ATG7: variants seen among roughly 807,000 people sequenced by gnomAD.
ATG7 encodes the protein ubiquitin-like modifier-activating enzyme ATG7.
ATG7 carries 70 observed loss-of-function variants against 82.4 expected under a neutral mutation model. The observed-to-expected ratio is 0.85, with a 90% confidence interval of 0.70 to 1.04. The LOEUF is 1.04. Among genes scored for constraint, ATG7 ranks in the 50% least tolerant of loss-of-function variants. ATG7 has a pLI of 0.00. For missense variants in ATG7, 792 were observed against 864.3 expected, an observed-to-expected ratio of 0.92 and a Z score of 1.05; for synonymous variants, 287 against 313.0, an observed-to-expected ratio of 0.92 and a Z score of 0.88.
Position 11,374,908 on chromosome 3 carries a change from A to T in ATG7, c.1876-5064A>T, listed in dbSNP as rs1051283267. 2.0e-5 allele frequency among the ~76,000 whole-genome samples: 3 copies of T among 151,066 alleles called. No homozygotes were observed. The East Asian group carries it at 5.8e-4, about 29-fold the overall frequency. Reference sequence around the variant, plus strand: ...AACAGAGCTCAAAAAAAAAAAAAAAAAAAAAAAAAAAAAGTCTGGGCATGG... The same window carrying T: ...AACAGAGCTCAAAAAAAAAAAAAAATAAAAAAAAAAAAAGTCTGGGCATGG... On this transcript the variant is annotated intron_variant, in intron 18 of 20. Transcript: ENST00000693202.
At position 11,306,951 on chromosome 3, in the gene ATG7, C is replaced by A. The variant is rs202020977; in HGVS notation, c.224C>A (p.Pro75His). 4.1e-4 allele frequency: 662 copies of A among 1,613,738 alleles called. No homozygotes were observed. Among genetic ancestry groups the A allele is most frequent in the Non-Finnish European group, 5.2e-4 (614 of 1,179,840 alleles). ...GTTTCTCTTGTATCTAGGAGTGCTCCCACCCCAGCCCGTTGCTGCCCAGCT... is the reference window on the plus strand; with the variant it reads ...GTTTCTCTTGTATCTAGGAGTGCTCACACCCCAGCCCGTTGCTGCCCAGCT... ...LEFSAFDMSA[P>H]TPARCCPAIG... Residue 75 changes from proline (P) to histidine (H), a missense_variant, in exon 6 of 21, where the codon CCC becomes CAC. By Grantham distance (77) the Pro-to-His change is moderately conservative. Transcript: ENST00000693202.
chr3:11,427,814 CAA>C (rs11288609), intron 20 of ATG7, among the ~76,000 whole-genome samples: 4,977 of 135,186 alleles, frequency 0.037, 188 homozygotes, highest in African/African-American at 0.11. Flanking sequence ...GACTCCGTCT[CAA>C]AAAAAAAAAA....
At chr3:11,492,944 T>C (rs2090505700) in intron 20 of ATG7, among the ~76,000 whole-genome samples, 1 of 152,254 alleles carries the variant, frequency 6.6e-6, no homozygotes, top group African/African-American at 2.4e-5. Context: ...CCGCCGTCCA[T>C]GGACAGCAGC....
chr3:11,543,733 C>T (rs1691035233), intron 20 of ATG7, among the ~76,000 whole-genome samples: 1 of 152,232 alleles, frequency 6.6e-6, no homozygotes, highest in African/African-American at 2.4e-5. Flanking sequence ...AACCCCATCT[C>T]TACTAAAAAT....
intron 20 of ATG7, among the ~76,000 whole-genome samples, chr3:11,450,073 T>C (rs905942924): frequency 3.9e-5 from 6 of 152,362 alleles, no homozygotes; most frequent in Non-Finnish European, 8.8e-5. Flanking sequence ...AATGATGTAA[T>C]GGCTAGTCTC....
chr3:11,473,681 T>A (rs996793799), intron 20 of ATG7, among the ~76,000 whole-genome samples: 5 of 152,250 alleles, frequency 3.3e-5, no homozygotes, highest in African/African-American at 1.2e-4. Flanking sequence ...CTGTGTGATA[T>A]CATCTATTTG....
downstream of ATG7, chr3:11,559,344 T>C (rs1460439379): frequency 7.1e-6 from 11 of 1,546,268 alleles, no homozygotes; most frequent in Admixed American, 2.0e-4. Context: ...CTCGGTGGCC[T>C]CCGGTAGCTG....
chr3:11,568,745 C>A, the ATG7 span: 3 of 1,524,496 alleles, frequency 2.0e-6, no homozygotes, highest in South Asian at 1.2e-5. This position sits in a 1 kb window ranked among gnomAD's most constrained non-coding sequence, Gnocchi z 5.9. Flanking sequence ...CCGCACGCAT[C>A]CTGCCCGGGA....
At chr3:11,410,208 A>G (rs530897739) in intron 19 of ATG7, among the ~76,000 whole-genome samples, 9 of 152,170 alleles carry the variant, frequency 5.9e-5, no homozygotes, top group Non-Finnish European at 1.2e-4. Context: ...AAGAAATATC[A>G]CTTTATTTTT....
chr3:11,273,746 G>A (rs1316467450), intron 1 of ATG7, among the ~76,000 whole-genome samples: 10 of 152,120 alleles, frequency 6.6e-5, no homozygotes, highest in African/African-American at 2.4e-4. Flanking sequence ...AAAGAACCCT[G>A]TTTCATGGCA....
At chr3:11,358,302 AG>A (rs2076064451) in intron 14 of ATG7, 115 bp from the exon 15 acceptor site, 2 of 996,580 alleles carry the variant, frequency 2.0e-6, no homozygotes, top group East Asian at 4.8e-5. Context: ...AATAGTGCAC[AG>A]GGAGCTCTCA....
At chr3:11,550,750 TTA>T (rs1459014102) in intron 20 of ATG7, among the ~76,000 whole-genome samples, 1 of 151,624 alleles carries the variant, frequency 6.6e-6, no homozygotes, top group East Asian at 1.9e-4. Context: ...TGGTATGTTG[TTA>T]TGTTTTCTCT....
intron 19 of ATG7, among the ~76,000 whole-genome samples, chr3:11,418,200 G>A (rs2081574048): frequency 6.7e-6 from 1 of 150,278 alleles, no homozygotes; most frequent in Non-Finnish European, 1.5e-5. Flanking sequence ...AACCTCCCGG[G>A]TTTAAGCCAT....
At chr3:11,273,976 A>G (rs1941103937) in intron 1 of ATG7, among the ~76,000 whole-genome samples, 1 of 152,294 alleles carries the variant, frequency 6.6e-6, no homozygotes, top group South Asian at 2.1e-4. Flanking sequence ...CTGCTTTCCC[A>G]TCCCCCAACG....
Position 11,332,961 on chromosome 3 carries a change from C to G in ATG7, c.768-11C>G. 6.8e-7 allele frequency: 1 copy of G among 1,459,908 alleles called. No homozygotes were observed. Among genetic ancestry groups the G allele is most frequent in the Non-Finnish European group, 9.0e-7 (1 of 1,106,006 alleles). 90.4% of individuals were successfully genotyped at this position (1,459,908 alleles called of 1,614,324 possible). On this transcript the variant is annotated splice_polypyrimidine_tract_variant and intron_variant, in intron 10 of 20. Transcript: ENST00000693202. ...AATAATAAATAAATAAAAATCCGGG[C>G]ATGACAACAGGAGTAGCAGTTTCCA...
chr3:11,415,599 C>A (rs1337040842), intron 19 of ATG7, among the ~76,000 whole-genome samples: 1 of 152,014 alleles, frequency 6.6e-6, no homozygotes, highest in African/African-American at 2.4e-5. Context: ...AACTAAGACA[C>A]AACATACACA....
intron 20 of ATG7, among the ~76,000 whole-genome samples, chr3:11,440,203 G>T (rs1352779579): frequency 6.6e-6 from 1 of 152,078 alleles, no homozygotes; most frequent in African/African-American, 2.4e-5. Flanking sequence ...TCTTAAACTG[G>T]CTTCTAATAA....
intron 20 of ATG7, among the ~76,000 whole-genome samples, chr3:11,538,445 G>T (rs186278579): frequency 7.1e-6 from 1 of 140,466 alleles, no homozygotes; most frequent in East Asian, 2.1e-4. Context: ...TGCTAGCTGT[G>T]TGGCCCTGAC....
chr3:11,521,710 G>A (rs551673553), intron 20 of ATG7, among the ~76,000 whole-genome samples: 2 of 152,098 alleles, frequency 1.3e-5, no homozygotes, highest in Admixed American at 6.5e-5. Context: ...CTGCCACCAC[G>A]CCTGGCTAAT....
Sources: allele counts gnomAD v4.1 joint callset (sites outside exome capture counted in the v4.1 genomes callset), GRCh38; gene constraint gnomAD v4.1.1; non-coding constraint Gnocchi (gnomAD v3.1); transcripts MANE v1.5; gene names NCBI Gene and HGNC (gene_info 2026-07-23, HGNC 2026-07-21).